TNS3: variants seen among roughly 807,000 people sequenced by gnomAD.
The protein encoded by TNS3 is tensin-3.
In TNS3, 45 loss-of-function variants were observed where a neutral mutation model predicts 140.9. The observed-to-expected ratio is 0.32, with a 90% confidence interval of 0.25 to 0.41. TNS3 has a LOEUF of 0.41. Ranked by LOEUF, TNS3 falls within the 10% of genes least tolerant of loss-of-function variation. The pLI, the probability that TNS3 is intolerant of heterozygous loss-of-function variation, is 1.00. For synonymous variants in TNS3, 815 were observed against 788.4 expected (o/e 1.03, Z -0.56); for missense variants, 1,716 against 1,906.7 (o/e 0.90, Z 1.86).
At chr7:47,283,358 G>C (rs907604264) in intron 28 of TNS3, among the ~76,000 whole-genome samples, 8 of 152,364 alleles carry the variant, frequency 5.3e-5, no homozygotes, top group South Asian at 4.1e-4. Flanking sequence ...ATTGGACTCT[G>C]ATCATAGTAT....
chr7:47,382,051 G>A (rs1469124286), intron 16 of TNS3, among the ~76,000 whole-genome samples: 3 of 152,184 alleles, frequency 2.0e-5, no homozygotes, highest in African/African-American at 7.2e-5. Context: ...TATGGCTAGG[G>A]GGTCCCAGCC....
intron 30 of TNS3, 168 bp downstream of exon 30, chr7:47,279,996 G>T: frequency 2.6e-6 from 2 of 775,186 alleles, no homozygotes; most frequent in South Asian, 1.8e-5. Context: ...ACAGCATCCA[G>T]ATCCTTGTCC....
Position 47,369,308 on chromosome 7 carries a change from A to T in TNS3, c.1338T>A (p.Asp446Glu). 6.2e-7 allele frequency: 1 copy of T among 1,614,158 alleles called. No homozygotes were observed. Among genetic ancestry groups the T allele is most frequent in the Non-Finnish European group, 8.5e-7 (1 of 1,180,028 alleles). Residue 446 changes from aspartate to glutamate, a missense_variant, in exon 17 of 31, where the codon GAT becomes GAA. Asp to Glu is a conservative substitution (Grantham distance 45). Around this residue, in one of 3 missense-constraint regions of TNS3, gnomAD observed 1,163 missense variants for 1,182.1 expected, o/e 0.98. Transcript: ENST00000311160. ...DPGSSLKEMT[D>E]ARSKYSGTRH... ...GGGTCCCACTGTACTTGCTTCGAGCATCAGTCATTTCCTTGAGGGAGCTTC... is the reference window on the plus strand; with the variant it reads ...GGGTCCCACTGTACTTGCTTCGAGCTTCAGTCATTTCCTTGAGGGAGCTTC...
chr7:47,347,476 G>A (rs996082054), intron 17 of TNS3, among the ~76,000 whole-genome samples: 1 of 152,048 alleles, frequency 6.6e-6, no homozygotes, highest in African/African-American at 2.4e-5. Flanking sequence ...TGCCTGAGAG[G>A]AGCAGCAGGA....
chr7:47,510,860 TA>T (rs34323744), intron 2 of TNS3, among the ~76,000 whole-genome samples: 3,699 of 128,284 alleles, frequency 0.029, 139 homozygotes, highest in African/African-American at 0.095. Flanking sequence ...AGACTGTCTT[TA>T]AAAAAAAAAA....
chr7:47,283,951 A>G (rs1170639391), intron 27 of TNS3, 86 bp from the exon 28 acceptor site: 13 of 1,327,814 alleles, frequency 9.8e-6, no homozygotes, highest in Admixed American at 2.6e-5. Context: ...GCTGATGTGC[A>G]GACTGGGTTT....
At chr7:47,398,938 C>T (rs1222519715) in intron 15 of TNS3, among the ~76,000 whole-genome samples, 1 of 152,024 alleles carries the variant, frequency 6.6e-6, no homozygotes, top group Non-Finnish European at 1.5e-5. Flanking sequence ...AAAACTCCTC[C>T]AAAAGACTTC....
chr7:47,570,500 G>A (rs2152015661), intron 1 of TNS3, among the ~76,000 whole-genome samples: 1 of 152,336 alleles, frequency 6.6e-6, no homozygotes, highest in Middle Eastern at 3.4e-3. Context: ...GTTGTAAATG[G>A]TTCTCTTCTG....
At chr7:47,409,645 T>G (rs1793651501) in intron 13 of TNS3, among the ~76,000 whole-genome samples, 1 of 150,440 alleles carries the variant, frequency 6.6e-6, no homozygotes, top group Non-Finnish European at 1.5e-5. Flanking sequence ...GCCCCCAGCC[T>G]CTCTTGGCCT....
intron 3 of TNS3, among the ~76,000 whole-genome samples, chr7:47,489,421 T>C (rs1391712178): frequency 6.6e-6 from 1 of 152,186 alleles, no homozygotes; most frequent in Non-Finnish European, 1.5e-5. Flanking sequence ...TCCAACTCTA[T>C]GGAATCTAAT....
chr7:47,400,843 C>G lies in TNS3; in HGVS notation c.795G>C (p.Gly265=). 1 of 1,614,270 alleles carries G rather than the reference C, an allele frequency of 6.2e-7. No individual in the cohort carries two copies. The highest frequency in any genetic ancestry group is 8.5e-7 in the Non-Finnish European group (1 of 1,180,042). Residue 265 remains glycine, a synonymous_variant, in exon 14 of 31, where the codon GGG becomes GGC. Coordinates refer to ENST00000311160, the MANE Select transcript of TNS3 (RefSeq NM_022748.12). ...ACACCAGCCCGTAGCCCTGCACAGCCCCAGTGTGAAACTGCAGGCGGAAAA... is the reference window on the plus strand; with the variant it reads ...ACACCAGCCCGTAGCCCTGCACAGCGCCAGTGTGAAACTGCAGGCGGAAAA... ...DVIFRLQFHT[G]AVQGYGLVFG...
chr7:47,447,404 T>C lies in TNS3; in HGVS notation c.-75-5349A>G, dbSNP rs577357211. Among the ~76,000 whole-genome samples, 9 of 152,246 alleles carry C rather than the reference T, an allele frequency of 5.9e-5. No homozygotes were observed. In the East Asian group the frequency reaches 1.4e-3, roughly 23 times the overall value. On this transcript the variant is annotated intron_variant, in intron 4 of 30. Coordinates refer to ENST00000311160, the MANE Select transcript of TNS3 (RefSeq NM_022748.12). ...CAAAAACACCTCTTTTGGGAGAAAG[T>C]AGCCTAGCCTTATGGCAAAGCACAC...
At chr7:47,313,426 G>T (rs1787217804) in intron 20 of TNS3, among the ~76,000 whole-genome samples, 1 of 152,204 alleles carries the variant, frequency 6.6e-6, no homozygotes, top group South Asian at 2.1e-4. Flanking sequence ...TGGACAGTTG[G>T]TTGATCAGTT....
chr7:47,441,401 T>C (rs1704971), intron 5 of TNS3, among the ~76,000 whole-genome samples: 59,178 of 151,922 alleles, frequency 0.39, 11,773 homozygotes, highest in Non-Finnish European at 0.42. Flanking sequence ...TGGTCTCGAT[T>C]TCCTGACCTT....
chr7:47,441,926 C>T, intron 5 of TNS3, 77 bp downstream of exon 5: 3 of 1,054,284 alleles, frequency 2.8e-6, no homozygotes, highest in South Asian at 1.3e-5. Context: ...GAAAATGATG[C>T]CATGCCCAAG....
At chr7:47,558,620 G>A (rs1014654448) in intron 1 of TNS3, among the ~76,000 whole-genome samples, 1 of 151,994 alleles carries the variant, frequency 6.6e-6, no homozygotes, top group Non-Finnish European at 1.5e-5. Flanking sequence ...CTCCTGTTTC[G>A]TCGATGGAAA....
chr7:47,471,344 T>C (rs147194487), intron 4 of TNS3, among the ~76,000 whole-genome samples: 4 of 152,256 alleles, frequency 2.6e-5, no homozygotes, highest in Non-Finnish European at 5.9e-5. Context: ...GCAGGGACCA[T>C]CCTGGTAACC....
At chr7:47,463,343 C>T (rs756641795) in intron 4 of TNS3, among the ~76,000 whole-genome samples, 3 of 152,176 alleles carry the variant, frequency 2.0e-5, no homozygotes, top group Non-Finnish European at 4.4e-5. Context: ...ACTCAGGAGG[C>T]TGGGGCATGA....
intron 2 of TNS3, among the ~76,000 whole-genome samples, chr7:47,520,658 T>C (rs1213906926): frequency 6.6e-6 from 1 of 152,180 alleles, no homozygotes; most frequent in Non-Finnish European, 1.5e-5. Flanking sequence ...GAGCAGAATT[T>C]AGAGGCAGGG....
Sources: allele counts gnomAD v4.1 joint callset (sites outside exome capture counted in the v4.1 genomes callset), GRCh38; gene constraint gnomAD v4.1.1; regional missense constraint gnomAD v4.1.1; transcripts MANE v1.5; gene names NCBI Gene and HGNC (gene_info 2026-07-23, HGNC 2026-07-21).